Variants in IFT88 observed in about 807,000 individuals in gnomAD.
The protein encoded by IFT88 is intraflagellar transport 88.
IFT88 carries 74 observed loss-of-function variants against 119.5 expected under a neutral mutation model. That is an observed-to-expected ratio of 0.62 (90% CI 0.51 to 0.75). The LOEUF (loss-of-function observed/expected upper bound fraction) is 0.75. Among genes scored for constraint, IFT88 ranks in the 30% least tolerant of loss-of-function variants. The pLI is 0.00. For missense variants in IFT88, 961 were observed against 977.7 expected (o/e 0.98, Z 0.23); for synonymous variants, 279 against 316.7 (o/e 0.88, Z 1.26).
At chr13:20,567,979 G>A (rs759519179) in intron 1 of IFT88, 2 of 711,830 alleles carry the variant, frequency 2.8e-6, no homozygotes, top group South Asian at 3.0e-5. Flanking sequence ...GGCCACACAT[G>A]AAATTCACAA....
At chr13:20,633,007 A>T (rs995415485) in intron 16 of IFT88, among the ~76,000 whole-genome samples, 1 of 152,074 alleles carries the variant, frequency 6.6e-6, no homozygotes, top group South Asian at 2.1e-4. Context: ...TTGAAGAATG[A>T]CTCCAGTGCT....
At chr13:20,653,826 C>A in intron 20 of IFT88, 50 bp from the exon 21 acceptor site, 1 of 996,796 alleles carries the variant, frequency 1.0e-6, no homozygotes, top group Non-Finnish European at 1.5e-6. Context: ...TAAAACTGAG[C>A]ATCACAGATT....
At chr13:20,656,064 G>A (rs1347611761) in intron 21 of IFT88, among the ~76,000 whole-genome samples, 1 of 130,594 alleles carries the variant, frequency 7.7e-6, no homozygotes, top group East Asian at 2.3e-4. Context: ...CTTAATGGTT[G>A]TGCCTGTGAA....
At chr13:20,642,255 A>G (rs1023305041) in intron 18 of IFT88, 3 of 152,192 alleles carry the variant, frequency 2.0e-5, no homozygotes, top group Non-Finnish European at 4.4e-5. Flanking sequence ...GAGGTGTACC[A>G]TTAATAATTT....
intron 1 of IFT88, among the ~76,000 whole-genome samples, chr13:20,573,504 A>G (rs931842767): frequency 6.6e-6 from 1 of 152,144 alleles, no homozygotes; most frequent in Non-Finnish European, 1.5e-5. Flanking sequence ...TACTATGAAC[A>G]TTCTTATACA....
intron 24 of IFT88, among the ~76,000 whole-genome samples, chr13:20,679,170 A>G (rs1229426829): frequency 1.3e-5 from 2 of 152,238 alleles, no homozygotes; most frequent in Non-Finnish European, 1.5e-5. Context: ...TTCCAATCAC[A>G]TTGTAACTGC....
At chr13:20,659,669 A>AG (rs2053472471) in intron 22 of IFT88, among the ~76,000 whole-genome samples, 1 of 149,852 alleles carries the variant, frequency 6.7e-6, no homozygotes, top group Non-Finnish European at 1.5e-5. Flanking sequence ...TTTGAGACAC[A>AG]GTCTCACTCT....
At chr13:20,591,094 TTATTA>T in intron 5 of IFT88, 74 bp downstream of exon 5, 2 of 945,982 alleles carry the variant, frequency 2.1e-6, no homozygotes, top group East Asian at 5.3e-5. Context: ...TTTTTTTACT[TTATTA>T]TATTATTTTA....
Position 20,601,704 on chromosome 13 carries a change from G to A in IFT88, c.813-1G>A. 2 of 1,575,500 alleles carry A rather than the reference G, an allele frequency of 1.3e-6. No homozygotes were observed. Among genetic ancestry groups the A allele is most frequent in the Non-Finnish European group, 1.7e-6 (2 of 1,149,544 alleles). ...AGCTAATCCATGTCTTTTTCTTTTA[G>A]GATTAAAATAATGCAGAATATTGGA... On this transcript the variant is annotated splice_acceptor_variant, in intron 11 of 25. Coordinates refer to ENST00000351808, the MANE Select transcript of IFT88 (RefSeq NM_006531.5). LOFTEE classifies it high-confidence loss of function.
intron 14 of IFT88, among the ~76,000 whole-genome samples, chr13:20,624,722 T>C (rs1174725120): frequency 6.6e-6 from 1 of 152,164 alleles, no homozygotes; most frequent in Admixed American, 6.5e-5. Context: ...ACTGTGTGAA[T>C]GTCTTCCAGG....
chr13:20,681,784 A>ATTGGCAGGCAT (rs1393233474), intron 24 of IFT88, among the ~76,000 whole-genome samples: 2 of 152,240 alleles, frequency 1.3e-5, no homozygotes, highest in East Asian at 3.8e-4. Context: ...CAGAAATTAC[A>ATTGGCAGGCAT]TTGGCAGGCA....
At chr13:20,583,744 A>G (rs1485963091) in intron 3 of IFT88, among the ~76,000 whole-genome samples, 2 of 152,130 alleles carry the variant, frequency 1.3e-5, no homozygotes, top group Non-Finnish European at 2.9e-5. Flanking sequence ...TTCTTCTAGC[A>G]TTTTTTGTAG....
chr13:20,568,626 C>G (rs1202216701), intron 1 of IFT88, among the ~76,000 whole-genome samples: 1 of 152,224 alleles, frequency 6.6e-6, no homozygotes, highest in African/African-American at 2.4e-5. Flanking sequence ...GCCTCAGCAT[C>G]ACTTGGGTTT....
intron 11 of IFT88, 143 bp downstream of exon 11, chr13:20,599,708 C>A: frequency 1.8e-6 from 1 of 545,770 alleles, no homozygotes; most frequent in South Asian, 2.8e-5. Context: ...TGATCTGTTC[C>A]CTTCTTACTA....
chr13:20,663,627 T>A, intron 23 of IFT88, 23 bp downstream of exon 23: 1 of 1,495,034 alleles, frequency 6.7e-7, no homozygotes, highest in Non-Finnish European at 9.3e-7. Context: ...GGCCCCAAAC[T>A]GCAGTCTGTT....
In IFT88 at chr13:20,691,129, A is replaced by G; in HGVS notation, c.2429A>G (p.Asp810Gly). 1 of 1,613,958 alleles carries G rather than the reference A, an allele frequency of 6.2e-7. No individual in the cohort carries two copies. Among genetic ancestry groups the G allele is most frequent in the Non-Finnish European group, 8.5e-7 (1 of 1,179,884 alleles). ...KTAAKKRIDE[D>G]DFADEELGDD... ...GCAGCCAAGAAAAGGATCGATGAGGATGATTTTGCTGATGAAGAATTAGGA... is the reference window on the plus strand; with the variant it reads ...GCAGCCAAGAAAAGGATCGATGAGGGTGATTTTGCTGATGAAGAATTAGGA... Residue 810 changes from aspartate (D) to glycine (G), a missense_variant, in exon 26 of 26, where the codon GAT (aspartate) becomes GGT (glycine). By Grantham distance (94) the Asp-to-Gly change is moderately conservative. Coordinates refer to ENST00000351808, the MANE Select transcript of IFT88 (RefSeq NM_006531.5).
chr13:20,619,926 T>C (rs2046226101), intron 14 of IFT88, among the ~76,000 whole-genome samples: 1 of 152,236 alleles, frequency 6.6e-6, no homozygotes, highest in African/African-American at 2.4e-5. Flanking sequence ...TGGCATCTCA[T>C]TGTAGTTTTA....
At chr13:20,617,696 T>C (rs969186101) in intron 14 of IFT88, among the ~76,000 whole-genome samples, 2 of 152,204 alleles carry the variant, frequency 1.3e-5, no homozygotes, top group African/African-American at 4.8e-5. Context: ...CTGACCTGAA[T>C]TGGACTGAAC....
chr13:20,633,703 T>C (rs2048562326), intron 16 of IFT88, among the ~76,000 whole-genome samples: 1 of 152,176 alleles, frequency 6.6e-6, no homozygotes. Context: ...TATTAGAGCA[T>C]CTCATCAGCA....
Sources: allele counts gnomAD v4.1 joint callset (sites outside exome capture counted in the v4.1 genomes callset), GRCh38; gene constraint gnomAD v4.1.1; transcripts MANE v1.5; gene names NCBI Gene and HGNC (gene_info 2026-07-23, HGNC 2026-07-21).